CDK8: variants seen among roughly 807,000 people sequenced by gnomAD.
CDK8 encodes the protein cyclin-dependent kinase 8.
In CDK8, 29 loss-of-function variants were observed where a neutral mutation model predicts 71.5. The ratio of observed to expected loss-of-function variants is 0.41; its 90% confidence interval spans 0.30 to 0.55. CDK8 has a LOEUF of 0.55. Among genes scored for constraint, CDK8 ranks in the 20% least tolerant of loss-of-function variants. The pLI, the probability that CDK8 is intolerant of heterozygous loss-of-function variation, is 0.37. For synonymous variants in CDK8, 161 were observed against 192.1 expected, an observed-to-expected ratio of 0.84 and a Z score of 1.34; for missense variants, 288 against 572.6, an observed-to-expected ratio of 0.50 and a Z score of 5.07.
At position 26,393,517 on chromosome 13, in the gene CDK8, A is replaced by G. The variant is rs757789047; in HGVS notation, c.790+7A>G. On this transcript the variant is annotated splice_region_variant and intron_variant, in intron 7 of 12. Coordinates refer to ENST00000381527, the MANE Select transcript of CDK8 (RefSeq NM_001260.3). ...GTAATGGGATTTCCTGCAGGTACAC[A>G]TTATTCGTTTTTGTTTTTGTTTTTA... 13 of 1,611,680 alleles carry G rather than the reference A, an allele frequency of 8.1e-6. No individual in the cohort carries two copies. In the East Asian group the frequency reaches 2.7e-4, roughly 33 times the overall value.
chr13:26,312,904 C>CTCA (rs1179102338), intron 1 of CDK8, among the ~76,000 whole-genome samples: 5 of 152,218 alleles, frequency 3.3e-5, no homozygotes, highest in Non-Finnish European at 5.9e-5. Context: ...TCAGATGTCA[C>CTCA]TCATGTACAG....
chr13:26,378,207 A>C (rs1565992564), intron 4 of CDK8, among the ~76,000 whole-genome samples: 1 of 152,176 alleles, frequency 6.6e-6, no homozygotes, highest in Non-Finnish European at 1.5e-5. Context: ...TCATCAACCC[A>C]GTTCTTGTCT....
intron 1 of CDK8, among the ~76,000 whole-genome samples, chr13:26,313,813 TA>T (rs1565968517): frequency 6.6e-6 from 1 of 152,150 alleles, no homozygotes; most frequent in African/African-American, 2.4e-5. Context: ...TTTACTCCTT[TA>T]ACTCAGAAAG....
intron 3 of CDK8, among the ~76,000 whole-genome samples, chr13:26,353,470 T>C (rs1322779826): frequency 1.3e-5 from 2 of 152,158 alleles, no homozygotes; most frequent in Non-Finnish European, 2.9e-5. Context: ...GATTTTTAAT[T>C]ATGCTTTAAA....
At chr13:26,330,983 T>C (rs1008306653) in intron 1 of CDK8, among the ~76,000 whole-genome samples, 5 of 152,224 alleles carry the variant, frequency 3.3e-5, no homozygotes, top group Non-Finnish European at 7.3e-5. Context: ...GATTGAATGG[T>C]ATTTCGATTT....
chr13:26,308,169 A>C (rs1874125842), intron 1 of CDK8, among the ~76,000 whole-genome samples: 1 of 152,242 alleles, frequency 6.6e-6, no homozygotes, highest in Non-Finnish European at 1.5e-5. Flanking sequence ...GTTTAAATAA[A>C]ATGAAATAAG....
chr13:26,370,805 G>A (rs1018668434), intron 4 of CDK8, among the ~76,000 whole-genome samples: 2 of 152,130 alleles, frequency 1.3e-5, no homozygotes, highest in Non-Finnish European at 2.9e-5. Flanking sequence ...AAAAAATACA[G>A]ATTTAGAGAA....
chr13:26,277,339 T>C (rs1399850213), intron 1 of CDK8, among the ~76,000 whole-genome samples: 1 of 152,210 alleles, frequency 6.6e-6, no homozygotes. Context: ...TTATTTCAAA[T>C]ATTGAGGCTC....
chr13:26,393,639 C>G, intron 7 of CDK8, 129 bp downstream of exon 7: 1 of 909,366 alleles, frequency 1.1e-6, no homozygotes, highest in Non-Finnish European at 1.7e-6. Flanking sequence ...TTTTGACTTG[C>G]ATTTATCAAA....
At chr13:26,336,293 G>A (rs1035127309) in intron 1 of CDK8, among the ~76,000 whole-genome samples, 1 of 152,124 alleles carries the variant, frequency 6.6e-6, no homozygotes, top group East Asian at 1.9e-4. Flanking sequence ...TCATTCTAAT[G>A]AGTGCCTAGT....
chr13:26,377,042 T>G (rs1430525307), intron 4 of CDK8, among the ~76,000 whole-genome samples: 2 of 152,266 alleles, frequency 1.3e-5, no homozygotes, highest in Admixed American at 1.3e-4. Flanking sequence ...AAGTTAGTCC[T>G]TGTTTTATAA....
At chr13:26,363,027 C>T (rs8002326) in intron 4 of CDK8, among the ~76,000 whole-genome samples, 9 of 145,938 alleles carry the variant, frequency 6.2e-5, no homozygotes, top group African/African-American at 2.0e-4. Flanking sequence ...AGTTCAATTA[C>T]AAGATTGTAT....
At chr13:26,337,484 T>G (rs1873044115) in intron 1 of CDK8, 83 bp from the exon 2 acceptor site, 1 of 507,646 alleles carries the variant, frequency 2.0e-6, no homozygotes, top group Admixed American at 4.0e-5. Context: ...TTAAACGTGA[T>G]TTATATTTAT....
At chr13:26,317,979 TA>T (rs1874591876) in intron 1 of CDK8, among the ~76,000 whole-genome samples, 1 of 151,394 alleles carries the variant, frequency 6.6e-6, no homozygotes, top group African/African-American at 2.4e-5. Flanking sequence ...GCGAAAATAA[TA>T]AACCCAAGAG....
chr13:26,265,533 C>T (rs1429740121), intron 1 of CDK8, among the ~76,000 whole-genome samples: 3 of 152,054 alleles, frequency 2.0e-5, no homozygotes, highest in Non-Finnish European at 2.9e-5. Flanking sequence ...ATAAGGAAGA[C>T]GGTGCTGTCT....
intron 1 of CDK8, among the ~76,000 whole-genome samples, chr13:26,285,046 C>G (rs2137891597): frequency 6.6e-6 from 1 of 152,130 alleles, no homozygotes; most frequent in African/African-American, 2.4e-5. Flanking sequence ...TGAGACCAAC[C>G]TGGCCAACAT....
intron 2 of CDK8, among the ~76,000 whole-genome samples, chr13:26,340,654 C>G (rs1381037018): frequency 6.6e-6 from 1 of 152,166 alleles, no homozygotes; most frequent in Non-Finnish European, 1.5e-5. Flanking sequence ...CCAGCATTCA[C>G]CTCCATTAAC....
intron 4 of CDK8, among the ~76,000 whole-genome samples, chr13:26,362,308 C>T (rs1230005799): frequency 6.6e-6 from 1 of 151,984 alleles, no homozygotes; most frequent in African/African-American, 2.4e-5. Context: ...GAGGAATCGG[C>T]TTATGCAATT....
chr13:26,377,901 A>G (rs1875031689), intron 4 of CDK8, among the ~76,000 whole-genome samples: 1 of 152,230 alleles, frequency 6.6e-6, no homozygotes, highest in Non-Finnish European at 1.5e-5. Context: ...GTAACTAGAA[A>G]GTTTACCACC....
Sources: allele counts gnomAD v4.1 joint callset (sites outside exome capture counted in the v4.1 genomes callset), GRCh38; gene constraint gnomAD v4.1.1; transcripts MANE v1.5; gene names NCBI Gene and HGNC (gene_info 2026-07-23, HGNC 2026-07-21).